The following GUCY1A2 variants were observed in gnomAD, a reference collection of about 807,000 sequenced individuals.
GUCY1A2 encodes the protein guanylate cyclase 1 soluble subunit alpha 2.
GUCY1A2 carries 27 observed loss-of-function variants against 63.5 expected under a neutral mutation model. The ratio of observed to expected loss-of-function variants is 0.43; its 90% CI spans 0.31 to 0.59. GUCY1A2 has a LOEUF of 0.59. Among genes scored for constraint, GUCY1A2 ranks in the 20% least tolerant of loss-of-function variants. The pLI is 0.11. For synonymous variants in GUCY1A2, 364 were observed against 343.5 expected (o/e 1.06, Z -0.66); for missense variants, 768 against 913.3 (o/e 0.84, Z 2.05).
At chr11:106,694,819 T>G (rs922418468) in intron 7 of GUCY1A2, among the ~76,000 whole-genome samples, 8 of 152,172 alleles carry the variant, frequency 5.3e-5, no homozygotes, top group African/African-American at 1.2e-4. Flanking sequence ...TGGGTATCAT[T>G]TCAAGATATC....
At position 107,018,087 on chromosome 11, in the gene GUCY1A2, T is replaced by TGGCGGCGAGGACGCGAGC. The variant is rs1861853830; in HGVS notation, c.-50_-33dup. Reference sequence around the variant, plus strand: ...GGCGGAGCTGCAGCGGCCGAGGCGGTGGCGGCGAGGACGCGAGCGGCGGCG... The same window carrying TGGCGGCGAGGACGCGAGC: ...GGCGGAGCTGCAGCGGCCGAGGCGGTGGCGGCGAGGACGCGAGCGGCGGCGAGGACGCGAGCGGCGGCG... On this transcript the variant is annotated 5_prime_UTR_variant, in exon 1 of 8. Coordinates refer to ENST00000526355, the MANE Select transcript of GUCY1A2 (RefSeq NM_000855.3). 2.9e-6 allele frequency: 4 copies of TGGCGGCGAGGACGCGAGC among 1,391,102 alleles called. No individual in the cohort carries two copies. Among genetic ancestry groups the TGGCGGCGAGGACGCGAGC allele is most frequent in the East Asian group, 6.4e-5 (2 of 31,406 alleles). The allele number at this position is 1,391,102 out of a possible 1,614,324, so 86.2% of individuals were successfully genotyped here.
chr11:106,750,125 C>T (rs371026704), intron 6 of GUCY1A2, among the ~76,000 whole-genome samples: 1 of 152,058 alleles, frequency 6.6e-6, no homozygotes, highest in Non-Finnish European at 1.5e-5. Context: ...GGCCTGACAG[C>T]CCTGGGGAAG....
chr11:106,951,730 C>A (rs1320319571), intron 3 of GUCY1A2, among the ~76,000 whole-genome samples: 1 of 152,158 alleles, frequency 6.6e-6, no homozygotes, highest in Non-Finnish European at 1.5e-5. Context: ...TGCAGAAGCT[C>A]TTTAGTTTAA....
intron 4 of GUCY1A2, among the ~76,000 whole-genome samples, chr11:106,928,524 C>T (rs1256240326): frequency 6.0e-5 from 9 of 150,330 alleles, no homozygotes; most frequent in Non-Finnish European, 1.0e-4. Flanking sequence ...TTAGGAAAAA[C>T]GGAAAACGAA....
intron 6 of GUCY1A2, among the ~76,000 whole-genome samples, chr11:106,736,879 T>C (rs917630261): frequency 3.0e-4 from 46 of 152,290 alleles, no homozygotes; most frequent in African/African-American, 1.1e-3. Flanking sequence ...ACAGTGATCA[T>C]TGCATTTTGC....
At chr11:106,959,906 A>G (rs1002618577) in intron 3 of GUCY1A2, among the ~76,000 whole-genome samples, 1 of 152,152 alleles carries the variant, frequency 6.6e-6, no homozygotes, top group African/African-American at 2.4e-5. Flanking sequence ...AGGCCTTGAA[A>G]CCTAATGAAG....
At chr11:106,748,365 C>T (rs1255069678) in intron 6 of GUCY1A2, among the ~76,000 whole-genome samples, 2 of 152,180 alleles carry the variant, frequency 1.3e-5, no homozygotes, top group East Asian at 3.9e-4. Flanking sequence ...AGGGTAACAT[C>T]TAGCTGGCTG....
intron 3 of GUCY1A2, among the ~76,000 whole-genome samples, chr11:106,947,215 T>A (rs1190427958): frequency 7.5e-6 from 1 of 133,130 alleles, no homozygotes; most frequent in Non-Finnish European, 1.6e-5. Flanking sequence ...AGACTCCATC[T>A]CACAAAAAAA....
intron 7 of GUCY1A2, among the ~76,000 whole-genome samples, chr11:106,699,930 C>T (rs1385010389): frequency 6.6e-6 from 1 of 151,868 alleles, no homozygotes; most frequent in African/African-American, 2.4e-5. Context: ...TACAGGCGCC[C>T]GTCCCCTCGC....
intron 4 of GUCY1A2, among the ~76,000 whole-genome samples, chr11:106,834,803 A>G (rs1465859762): frequency 6.6e-6 from 1 of 152,036 alleles, no homozygotes; most frequent in Non-Finnish European, 1.5e-5. Flanking sequence ...CAGTCTCTGC[A>G]CTGTGGTTTG....
chr11:106,752,580 C>G (rs1006665719), intron 6 of GUCY1A2, among the ~76,000 whole-genome samples: 1 of 151,760 alleles, frequency 6.6e-6, no homozygotes, highest in Non-Finnish European at 1.5e-5. Flanking sequence ...TCTCATTGTT[C>G]AACTCCCACT....
chr11:106,734,961 C>T (rs528706221), intron 6 of GUCY1A2, among the ~76,000 whole-genome samples: 1 of 152,030 alleles, frequency 6.6e-6, no homozygotes, highest in East Asian at 1.9e-4. Flanking sequence ...ATAAAATACT[C>T]TCCTAGTATT....
chr11:106,708,121 A>G (rs1173967783), intron 7 of GUCY1A2, among the ~76,000 whole-genome samples: 1 of 151,946 alleles, frequency 6.6e-6, no homozygotes, highest in Non-Finnish European at 1.5e-5. Flanking sequence ...TATTTATTCA[A>G]AAAAACAGTC....
chr11:106,711,796 AC>A (rs1338287099), intron 6 of GUCY1A2, among the ~76,000 whole-genome samples: 4 of 152,142 alleles, frequency 2.6e-5, no homozygotes, highest in Non-Finnish European at 5.9e-5. Context: ...TGTGAAAGAT[AC>A]TTTCACTGCA....
chr11:106,977,642 G>A (rs1861279598), intron 3 of GUCY1A2, among the ~76,000 whole-genome samples: 1 of 152,148 alleles, frequency 6.6e-6, no homozygotes, highest in Admixed American at 6.5e-5. Context: ...CCTTGGGTTG[G>A]GGTAACCTGG....
In GUCY1A2 at chr11:107,017,914, G is replaced by A; in HGVS notation, c.142C>T (p.Pro48Ser). 1 of 1,281,542 alleles carries A rather than the reference G, an allele frequency of 7.8e-7. No homozygotes were observed. The highest frequency in any genetic ancestry group is 1.5e-5 in the African/African-American group (1 of 64,912). 79.4% of individuals were successfully genotyped at this position (1,281,542 alleles called of 1,614,324 possible). A position where few individuals can be genotyped will look rare whatever the true frequency, so the allele number is the denominator to read the frequency against. Residue 48 changes from proline (P) to serine (S), a missense_variant, in exon 1 of 8, where the codon CCC becomes TCC. Pro to Ser is a moderately conservative substitution (Grantham distance 74). Coordinates refer to ENST00000526355, the MANE Select transcript of GUCY1A2 (RefSeq NM_000855.3). ...GSRSPPGPLE[P>S]SPAAAAAAAA... ...GCAGCGGCAGCTGCGGCCGGGCTGG[G>A]CTCCAGCGGCCCGGGCGGGCTCCGG...
intron 1 of GUCY1A2, among the ~76,000 whole-genome samples, chr11:107,002,246 G>A (rs182178460): frequency 1.5e-3 from 224 of 151,832 alleles, no homozygotes; most frequent in African/African-American, 5.3e-3. Context: ...TTAATATACC[G>A]ACAAAATAGA....
chr11:106,824,456 CTTA>C (rs1858940968), intron 4 of GUCY1A2, among the ~76,000 whole-genome samples: 1 of 152,066 alleles, frequency 6.6e-6, no homozygotes, highest in African/African-American at 2.4e-5. Flanking sequence ...GCACTCTGCT[CTTA>C]TTTGGTTGTG....
intron 4 of GUCY1A2, among the ~76,000 whole-genome samples, chr11:106,820,266 TA>T (rs1304596334): frequency 6.6e-6 from 1 of 152,204 alleles, no homozygotes; most frequent in Non-Finnish European, 1.5e-5. Context: ...TTATTTGTTT[TA>T]AAAATATTTA....
Sources: allele counts gnomAD v4.1 joint callset (sites outside exome capture counted in the v4.1 genomes callset), GRCh38; gene constraint gnomAD v4.1.1; transcripts MANE v1.5; gene names NCBI Gene and HGNC (gene_info 2026-07-23, HGNC 2026-07-21).